RGL1: variants seen among roughly 807,000 people sequenced by gnomAD.
RGL1 encodes the protein ral guanine nucleotide dissociation stimulator like 1.
A neutral mutation model predicts 95.2 loss-of-function variants in RGL1; 24 were observed. That is an observed-to-expected ratio of 0.25 (90% CI 0.18 to 0.35). The LOEUF (loss-of-function observed/expected upper bound fraction) is 0.35, where lower values mean the gene tolerates loss of function less well. Among genes scored for constraint, RGL1 ranks in the 10% least tolerant of loss-of-function variants. The pLI, the probability that RGL1 is intolerant of heterozygous loss-of-function variation, is 1.00. For synonymous variants in RGL1, 329 were observed against 344.9 expected, an observed-to-expected ratio of 0.95 and a Z score of 0.51; for missense variants, 715 against 936.3, an observed-to-expected ratio of 0.76 and a Z score of 3.08.
Position 183,757,701 on chromosome 1 carries a change from G to T in RGL1, c.132+15412G>T, listed in dbSNP as rs1157565844. Among the ~76,000 whole-genome samples the T allele has an allele frequency of 3.3e-5, 5 of 152,028 alleles. No individual in the cohort carries two copies. The East Asian group carries it at 9.6e-4, about 29-fold the overall frequency. ...CTATTCTGTGTCAGGAACTGCACTT[G>T]GTGCTTTCATATTTATTAATATATT... On this transcript the variant is annotated intron_variant, in intron 2 of 18. Coordinates refer to the RGL1 transcript ENST00000304685.
At chr1:183,751,635 A>G (rs1237054939) in intron 2 of RGL1, among the ~76,000 whole-genome samples, 2 of 152,208 alleles carry the variant, frequency 1.3e-5, no homozygotes, top group Admixed American at 1.3e-4. Flanking sequence ...TGTCTGCCCA[A>G]ATGGCTGCCC....
chr1:183,828,899 G>A (rs1253651427), intron 2 of RGL1, among the ~76,000 whole-genome samples: 4 of 152,188 alleles, frequency 2.6e-5, no homozygotes, highest in African/African-American at 9.7e-5. Context: ...CTTTCTATGG[G>A]TGAGGAAGAG....
intron 9 of RGL1, among the ~76,000 whole-genome samples, chr1:183,894,788 T>G (rs1304457421): frequency 6.6e-6 from 1 of 152,214 alleles, no homozygotes; most frequent in Non-Finnish European, 1.5e-5. Context: ...CTAACTTCTC[T>G]TCTTCTGGGA....
At chr1:183,752,068 T>C (rs980002673) in intron 2 of RGL1, among the ~76,000 whole-genome samples, 4 of 152,182 alleles carry the variant, frequency 2.6e-5, no homozygotes, top group Admixed American at 2.0e-4. Context: ...TCCAGGTTAA[T>C]AGCTATTAGA....
chr1:183,814,770 C>T (rs1027222213), intron 2 of RGL1, among the ~76,000 whole-genome samples: 1 of 152,128 alleles, frequency 6.6e-6, no homozygotes, highest in Non-Finnish European at 1.5e-5. Context: ...TGAATCTCTC[C>T]GCAACCCTCT....
intron 1 of RGL1, among the ~76,000 whole-genome samples, chr1:183,735,490 C>G (rs941608177): frequency 6.6e-6 from 1 of 152,064 alleles, no homozygotes; most frequent in Admixed American, 6.6e-5. Context: ...TAATCTTGCT[C>G]TTAAAGAGCT....
chr1:183,906,944 C>A, intron 13 of RGL1, 68 bp from the exon 14 acceptor site: 1 of 857,714 alleles, frequency 1.2e-6, no homozygotes, highest in Non-Finnish European at 2.0e-6. Context: ...ACCAGGACAT[C>A]ATGTGAATTT....
At chr1:183,867,178 A>G (rs184998474) in intron 4 of RGL1, among the ~76,000 whole-genome samples, 2 of 152,332 alleles carry the variant, frequency 1.3e-5, no homozygotes, top group East Asian at 1.9e-4. Context: ...TAGTTTATAC[A>G]TGGTATTTAA....
At chr1:183,716,295 A>T (rs1259601444) in intron 1 of RGL1, among the ~76,000 whole-genome samples, 1 of 152,230 alleles carries the variant, frequency 6.6e-6, no homozygotes, top group African/African-American at 2.4e-5. Context: ...TGTATGTTTT[A>T]GTTAGGGTAA....
intron 3 of RGL1, among the ~76,000 whole-genome samples, chr1:183,857,028 G>T (rs535260225): frequency 6.6e-6 from 1 of 152,264 alleles, no homozygotes; most frequent in South Asian, 2.1e-4. Flanking sequence ...GGGAATTGAG[G>T]TTGCAGATGG....
chr1:183,785,282 G>A (rs1037130195), intron 2 of RGL1, among the ~76,000 whole-genome samples: 21 of 152,122 alleles, frequency 1.4e-4, no homozygotes, highest in Admixed American at 1.2e-3. Context: ...CGGTCCACCC[G>A]TGAAATTACT....
intron 1 of RGL1, among the ~76,000 whole-genome samples, chr1:183,717,341 A>G (rs1655683928): frequency 6.6e-6 from 1 of 152,226 alleles, no homozygotes. Flanking sequence ...TTTTTAAAAT[A>G]TGTGTCACTT....
At chr1:183,687,730 A>G (rs2086644785) in intron 1 of RGL1, among the ~76,000 whole-genome samples, 1 of 152,172 alleles carries the variant, frequency 6.6e-6, no homozygotes, top group Non-Finnish European at 1.5e-5. Context: ...AAACATCTTT[A>G]TTTGCTTTGG....
At chr1:183,807,699 CAAGGT>C (rs1347701884) in intron 2 of RGL1, among the ~76,000 whole-genome samples, 3 of 152,148 alleles carry the variant, frequency 2.0e-5, no homozygotes, top group Admixed American at 2.0e-4. Flanking sequence ...TACTTTGGGC[CAAGGT>C]ATCACCCATG....
At chr1:183,701,828 T>C (rs1477371991) in intron 1 of RGL1, among the ~76,000 whole-genome samples, 1 of 151,922 alleles carries the variant, frequency 6.6e-6, no homozygotes, top group African/African-American at 2.4e-5. Context: ...TCCCAGCTAC[T>C]CGGGAGGCTG....
chr1:183,713,471 C>T (rs1655434304), intron 1 of RGL1, among the ~76,000 whole-genome samples: 1 of 134,728 alleles, frequency 7.4e-6, no homozygotes, highest in African/African-American at 2.8e-5. Flanking sequence ...AATGTGATTT[C>T]CATGTGCTAT....
chr1:183,776,274 G>A (rs541515703), intron 2 of RGL1, among the ~76,000 whole-genome samples: 1 of 147,920 alleles, frequency 6.8e-6, no homozygotes, highest in South Asian at 2.2e-4. Flanking sequence ...TCAGCCTCCC[G>A]AGTAGCTGGG....
intron 2 of RGL1, among the ~76,000 whole-genome samples, chr1:183,787,486 T>C (rs1302167518): frequency 6.6e-6 from 1 of 152,216 alleles, no homozygotes; most frequent in Non-Finnish European, 1.5e-5. Context: ...AAGGTGGGAA[T>C]TGAAAGAGGC....
At chr1:183,836,311 C>T (rs369165194) in intron 2 of RGL1, among the ~76,000 whole-genome samples, 230 of 151,996 alleles carry the variant, frequency 1.5e-3, no homozygotes, top group Non-Finnish European at 2.1e-3. Context: ...AGTGCAATGG[C>T]GCGATCTCAG....
Sources: gnomAD v4.1 joint callset for allele counts (sites outside exome capture counted in the v4.1 genomes callset) on GRCh38, gnomAD v4.1.1 for gene constraint, MANE v1.5 for transcripts, NCBI Gene and HGNC (gene_info 2026-07-23, HGNC 2026-07-21) for gene names.